Variants in SMG6 observed in about 807,000 individuals in gnomAD.
SMG6 encodes telomerase-binding protein EST1A.
SMG6 carries 66 observed loss-of-function variants against 142.2 expected under a neutral mutation model. That is an observed-to-expected ratio of 0.46 (90% CI 0.38 to 0.57). SMG6 has a LOEUF of 0.57. SMG6 is among the 20% of genes least tolerant of loss of function. SMG6 has a pLI of 0.00. For missense variants in SMG6, 1,793 were observed against 1,832.0 expected, an observed-to-expected ratio of 0.98 and a Z score of 0.39; for synonymous variants, 779 against 702.4, an observed-to-expected ratio of 1.11 and a Z score of -1.72.
At chr17:2,294,212 A>G (rs2075099401) in intron 4 of SMG6, among the ~76,000 whole-genome samples, 1 of 152,198 alleles carries the variant, frequency 6.6e-6, no homozygotes, top group Non-Finnish European at 1.5e-5. Context: ...TATAATGACT[A>G]CATATCACAT....
intron 10 of SMG6, among the ~76,000 whole-genome samples, chr17:2,222,304 G>T (rs115203215): frequency 0.011 from 1,608 of 152,024 alleles, 30 homozygotes; most frequent in African/African-American, 0.036. Flanking sequence ...TGTTAAATAG[G>T]ATGGTTGGGG....
At position 2,192,862 on chromosome 17, in the gene SMG6, G is replaced by A. The variant is rs181345683; in HGVS notation, c.2870-4347C>T. Among the ~76,000 whole-genome samples the A allele has an allele frequency of 3.7e-3, 556 of 152,288 alleles. 2 individuals are homozygous for A. Among genetic ancestry groups the A allele is most frequent in the Non-Finnish European group, 6.7e-3 (454 of 68,026 alleles). ...GAGGAAGCAGTCGCTGTATAGGAAC[G>A]AGACAAAAACAAAATCTCAGAGCAA... On this transcript the variant is annotated intron_variant, in intron 10 of 18. Coordinates refer to ENST00000263073, the MANE Select transcript of SMG6 (RefSeq NM_017575.5).
At chr17:2,284,626 G>A (rs990909641) in intron 6 of SMG6, among the ~76,000 whole-genome samples, 9 of 152,156 alleles carry the variant, frequency 5.9e-5, no homozygotes, top group South Asian at 2.1e-4. Flanking sequence ...TCTCCCCAGC[G>A]TCTACCCATT....
chr17:2,081,105 C>T (rs150616974), intron 15 of SMG6, among the ~76,000 whole-genome samples: 21 of 152,246 alleles, frequency 1.4e-4, no homozygotes, highest in East Asian at 5.8e-4. Flanking sequence ...CTTAAAGAAG[C>T]GGAGTGGGTG....
intron 10 of SMG6, among the ~76,000 whole-genome samples, chr17:2,197,063 C>T (rs2072353205): frequency 6.6e-6 from 1 of 152,138 alleles, no homozygotes; most frequent in South Asian, 2.1e-4. Context: ...AGAAAATCTT[C>T]AGGACCTAGG....
Position 2,085,705 on chromosome 17 carries a change from G to A in SMG6, c.3534+20C>T, listed in dbSNP as rs769639494. On this transcript the variant is annotated intron_variant, in intron 14 of 18. Transcript: ENST00000263073. The surrounding 1 kb of genome is among the most constrained non-coding windows in gnomAD (Gnocchi z 4.1). The stretch of plus-strand genomic sequence containing the variant: ...GAGGGGGCCTTCCCTCTGCCACAGC[G>A]GGCTCTTCCCGCATAGTACCTCATC... The A allele has an allele frequency of 7.5e-6, 12 of 1,597,118 alleles. No individual in the cohort carries two copies. The highest frequency in any genetic ancestry group is 1.8e-5 in the Admixed American group (1 of 56,490).
rs569457572 is a variant in SMG6 at position 2,138,092 on chromosome 17, A to C, written c.3357+34566T>G. Among the ~76,000 whole-genome samples, 10 of 152,286 alleles carry C rather than the reference A, an allele frequency of 6.6e-5. No homozygotes were observed. In the East Asian group the frequency reaches 1.9e-3, roughly 29 times the overall value. The stretch of plus-strand genomic sequence containing the variant: ...GGCCCAGAACTGTGTCCACACCTGG[A>C]AAATGCCTTTGGTGTTGTTATATCA... On this transcript the variant is annotated intron_variant, in intron 13 of 18. Transcript: ENST00000263073.
chr17:2,191,075 A>G (rs2072146495), intron 10 of SMG6, among the ~76,000 whole-genome samples: 1 of 152,230 alleles, frequency 6.6e-6, no homozygotes. Context: ...ACTAGGTATG[A>G]TGGAGCACAC....
At chr17:2,196,435 C>G (rs1322137418) in intron 10 of SMG6, among the ~76,000 whole-genome samples, 3 of 151,982 alleles carry the variant, frequency 2.0e-5, no homozygotes, top group Non-Finnish European at 2.9e-5. Context: ...AAAACAAAAC[C>G]CAGAAAATAA....
At chr17:2,080,785 A>AC (rs1418710639) in intron 15 of SMG6, among the ~76,000 whole-genome samples, 2 of 151,968 alleles carry the variant, frequency 1.3e-5, no homozygotes, top group African/African-American at 4.8e-5. Context: ...ACAGGTGTGC[A>AC]CCACCATGCC....
At chr17:2,222,853 G>A (rs1007421146) in intron 10 of SMG6, among the ~76,000 whole-genome samples, 1 of 152,196 alleles carries the variant, frequency 6.6e-6, no homozygotes, top group South Asian at 2.1e-4. Context: ...TGAAGAATGT[G>A]TCAATGGCCT....
In SMG6 at chr17:2,300,093, C is replaced by G. The variant is rs762948851; in HGVS notation, c.660G>C (p.Met220Ile). The G allele has an allele frequency of 6.2e-6, 10 of 1,614,146 alleles. No homozygotes were observed. The African/African-American group carries it at 1.2e-4, about 19-fold the overall frequency. ...GAAKGEKGKR[M>I]GKGEGVRETH... ...TTTCCCTCACCCCCTCCCCTTTTCC[C>G]ATCCTCTTTCCTTTTTCTCCTTTTG... Residue 220 changes from methionine to isoleucine, a missense_variant, in exon 2 of 19, where the codon ATG becomes ATC. By Grantham distance (10) the Met-to-Ile change is conservative. Transcript: ENST00000263073.
At chr17:2,217,147 G>A (rs1343109178) in intron 10 of SMG6, among the ~76,000 whole-genome samples, 4 of 152,090 alleles carry the variant, frequency 2.6e-5, no homozygotes, top group Non-Finnish European at 5.9e-5. Context: ...GCATAACACA[G>A]CAAGTAAACA....
intron 15 of SMG6, among the ~76,000 whole-genome samples, chr17:2,080,924 C>T (rs544594073): frequency 1.2e-4 from 18 of 152,258 alleles, no homozygotes; most frequent in East Asian, 3.9e-4. Flanking sequence ...CGTGAGCCAC[C>T]GCGCCCGGCC....
At chr17:2,210,372 C>G (rs2072814515) in intron 10 of SMG6, among the ~76,000 whole-genome samples, 1 of 151,324 alleles carries the variant, frequency 6.6e-6, no homozygotes, top group African/African-American at 2.4e-5. Flanking sequence ...CTTCTTTCCT[C>G]AGCCTCTTGA....
At chr17:2,219,149 C>T (rs757629229) in intron 10 of SMG6, among the ~76,000 whole-genome samples, 9 of 151,716 alleles carry the variant, frequency 5.9e-5, no homozygotes, top group Middle Eastern at 3.4e-3. Context: ...CTTTGGGAGG[C>T]GGAGGTGGGT....
At chr17:2,083,969 A>C (rs960357956) in intron 14 of SMG6, among the ~76,000 whole-genome samples, 3 of 152,138 alleles carry the variant, frequency 2.0e-5, no homozygotes, top group Non-Finnish European at 4.4e-5. Flanking sequence ...GTGGGTCACA[A>C]CCTTTGTCTG....
At chr17:2,235,860 C>T (rs1567706631) in intron 10 of SMG6, 4 of 152,426 alleles carry the variant, frequency 2.6e-5, no homozygotes, top group Admixed American at 2.0e-4. Context: ...GTCCTTCTCC[C>T]CTCTACTTCC....
chr17:2,123,475 A>G (rs769058675), intron 13 of SMG6, among the ~76,000 whole-genome samples: 1 of 152,218 alleles, frequency 6.6e-6, no homozygotes, highest in Non-Finnish European at 1.5e-5. Flanking sequence ...AATTAACTGC[A>G]AACAATTTTA....
Sources: gnomAD v4.1 joint callset for allele counts (sites outside exome capture counted in the v4.1 genomes callset) on GRCh38, gnomAD v4.1.1 for gene constraint, Gnocchi (gnomAD v3.1) non-coding constraint, MANE v1.5 for transcripts, NCBI Gene and HGNC (gene_info 2026-07-23, HGNC 2026-07-21) for gene names.